Variants in LGR5 observed in about 807,000 individuals in gnomAD.
LGR5 encodes leucine rich repeat containing G protein-coupled receptor 5, also known as leucine-rich repeat-containing G protein-coupled receptor 5.
A neutral mutation model predicts 76.7 loss-of-function variants in LGR5; 54 were observed. That is an observed-to-expected ratio of 0.70 (90% confidence interval 0.57 to 0.88). The LOEUF is 0.88. LGR5 is among the 40% of genes least tolerant of loss of function. The pLI is 0.00. For missense variants in LGR5, 1,078 were observed against 1,073.3 expected (o/e 1.00, Z -0.06); for synonymous variants, 406 against 421.9 (o/e 0.96, Z 0.46).
chr12:71,572,865 T>A lies in LGR5; in HGVS notation c.1152T>A (p.Asn384Lys). 1 of 1,613,744 alleles carries A rather than the reference T, an allele frequency of 6.2e-7. No homozygotes were observed. Among genetic ancestry groups the A allele is most frequent in the Non-Finnish European group, 8.5e-7 (1 of 1,179,658 alleles). The change falls in exon 13 of 18, where the codon AAT becomes AAA. Residue 384 changes from asparagine to lysine, a missense_variant. Coordinates refer to ENST00000266674, the MANE Select transcript of LGR5 (RefSeq NM_003667.4). ...QKLQKIDLRH[N>K]EIYEIKVDTF... is the part of the protein sequence containing the mutation. ...GTCATTTCAGTGACCTAAGACATAA[T>A]GAAATCTACGAAATTAAAGTTGACA...
chr12:71,486,712 ATTAT>A (rs1489751452), intron 1 of LGR5, among the ~76,000 whole-genome samples: 2 of 152,202 alleles, frequency 1.3e-5, no homozygotes, highest in Non-Finnish European at 2.9e-5. Flanking sequence ...CTGAGGTCAA[ATTAT>A]TTATCTCAGA....
chr12:71,567,275 TCAAAA>T, intron 11 of LGR5: 1 of 239,300 alleles, frequency 4.2e-6, no homozygotes, highest in Admixed American at 5.0e-5. Flanking sequence ...GATGCCAAAA[TCAAAA>T]ACTGAGATCT....
At position 71,566,741 on chromosome 12, in the gene LGR5, A is replaced by G. The variant is rs1372552075; in HGVS notation, c.998+41A>G. 3.2e-6 allele frequency: 5 copies of G among 1,582,998 alleles called. No individual in the cohort carries two copies. In the Admixed American group the frequency reaches 6.7e-5, roughly 21 times the overall value. The stretch of plus-strand genomic sequence containing the variant: ...ACTCTTGACTTTGCCCAGAACATAC[A>G]CTGCCATTAGAGCTTGATCAGTCTT... On this transcript the variant is annotated intron_variant, in intron 10 of 17. Transcript: ENST00000266674.
chr12:71,539,843 C>T (rs1397056697), intron 4 of LGR5, among the ~76,000 whole-genome samples: 1 of 152,110 alleles, frequency 6.6e-6, no homozygotes, highest in Non-Finnish European at 1.5e-5. Flanking sequence ...GAGTGCAGGC[C>T]CACAAGCCAG....
At chr12:71,543,586 A>G (rs1876993576) in intron 4 of LGR5, among the ~76,000 whole-genome samples, 1 of 152,216 alleles carries the variant, frequency 6.6e-6, no homozygotes, top group East Asian at 1.9e-4. Context: ...CAGAATGGAA[A>G]GTTAGGGTTT....
intron 1 of LGR5, among the ~76,000 whole-genome samples, chr12:71,454,039 A>T (rs1291502158): frequency 6.6e-6 from 1 of 152,124 alleles, no homozygotes; most frequent in Admixed American, 6.5e-5. Flanking sequence ...AATTAGGTCC[A>T]GTGATCCACA....
At chr12:71,448,478 G>A (rs1872113832) in intron 1 of LGR5, 2 of 152,198 alleles carry the variant, frequency 1.3e-5, no homozygotes, top group Admixed American at 6.5e-5. Context: ...TTGTGTTTGG[G>A]TTGATGCAAT....
chr12:71,556,688 T>C lies in LGR5; in HGVS notation c.714T>C (p.Thr238=), dbSNP rs749110068. 2 of 1,605,314 alleles carry C rather than the reference T, an allele frequency of 1.2e-6. No homozygotes were observed. The highest frequency in any genetic ancestry group is 1.7e-6 in the Non-Finnish European group (2 of 1,172,026). ...KCFDGLHSLE[T]LDLNYNNLDE... ...TTGATGGGCTCCACAGCCTAGAGAC[T>C]TTGTGAGTTGACCTTTTATTTGTTT... The change falls in exon 6 of 18, where the codon ACT becomes ACC. Residue 238 remains threonine (T), a splice_region_variant and synonymous_variant. Transcript: ENST00000266674.
chr12:71,520,256 G>T (rs1385780223), intron 2 of LGR5, among the ~76,000 whole-genome samples: 2 of 152,170 alleles, frequency 1.3e-5, no homozygotes, highest in African/African-American at 2.4e-5. Flanking sequence ...GTGTAACATG[G>T]TTGGACACTG....
At chr12:71,564,983 G>C (rs953278752) in intron 8 of LGR5, among the ~76,000 whole-genome samples, 1 of 149,968 alleles carries the variant, frequency 6.7e-6, no homozygotes, top group African/African-American at 2.5e-5. Flanking sequence ...ATATACGTGT[G>C]TATATATATA....
intron 2 of LGR5, among the ~76,000 whole-genome samples, chr12:71,517,779 C>T (rs1302590080): frequency 6.6e-6 from 1 of 152,238 alleles, no homozygotes; most frequent in African/African-American, 2.4e-5. Flanking sequence ...TTTTTTGTAT[C>T]ACATCATGCC....
intron 2 of LGR5, among the ~76,000 whole-genome samples, chr12:71,515,250 A>C (rs1162601778): frequency 6.6e-6 from 1 of 152,254 alleles, no homozygotes; most frequent in Non-Finnish European, 1.5e-5. Flanking sequence ...CCCTAAAAGC[A>C]ACAAAAGCAA....
chr12:71,524,332 AT>A, intron 2 of LGR5, 73 bp from the exon 3 acceptor site: 5 of 1,108,900 alleles, frequency 4.5e-6, no homozygotes, highest in South Asian at 1.5e-5. Flanking sequence ...GTTGTATTGC[AT>A]TTTTTTAACA....
intron 4 of LGR5, among the ~76,000 whole-genome samples, chr12:71,542,440 A>T (rs1053215030): frequency 4.6e-5 from 7 of 152,180 alleles, no homozygotes; most frequent in African/African-American, 1.7e-4. Context: ...CAAGGATTTC[A>T]GTCTTTACTG....
At chr12:71,495,493 G>C (rs1874273295) in intron 1 of LGR5, among the ~76,000 whole-genome samples, 1 of 151,402 alleles carries the variant, frequency 6.6e-6, no homozygotes, top group South Asian at 2.1e-4. Context: ...ATTTAAGCTA[G>C]ATGAAAGCTA....
chr12:71,560,979 C>G (rs1042551912), intron 7 of LGR5, among the ~76,000 whole-genome samples: 3 of 152,148 alleles, frequency 2.0e-5, no homozygotes, highest in African/African-American at 7.2e-5. Flanking sequence ...ATTTAATTAG[C>G]TTTTTCATAT....
intron 1 of LGR5, among the ~76,000 whole-genome samples, chr12:71,493,708 A>T (rs1232827899): frequency 6.6e-6 from 1 of 150,628 alleles, no homozygotes; most frequent in Non-Finnish European, 1.5e-5. Flanking sequence ...TAATTTCCTT[A>T]CTGTTGCCCT....
chr12:71,497,201 G>A (rs1014602001), intron 1 of LGR5, among the ~76,000 whole-genome samples: 57 of 152,214 alleles, frequency 3.7e-4, no homozygotes, highest in South Asian at 4.2e-4. Context: ...TGTGGTTCCA[G>A]CTATCCGGCA....
At chr12:71,578,748 A>T in intron 14 of LGR5, 56 bp from the exon 15 acceptor site, 1 of 1,498,010 alleles carries the variant, frequency 6.7e-7, no homozygotes, top group Non-Finnish European at 8.9e-7. Context: ...TTTTTTTAAC[A>T]TAAACGTTTT....
Sources: gnomAD v4.1 joint callset for allele counts (sites outside exome capture counted in the v4.1 genomes callset) on GRCh38, gnomAD v4.1.1 for gene constraint, MANE v1.5 for transcripts, NCBI Gene and HGNC (gene_info 2026-07-23, HGNC 2026-07-21) for gene names.